The following CNTNAP2 variants were observed in gnomAD, a reference collection of about 807,000 sequenced individuals.
CNTNAP2 encodes contactin-associated protein-like 2.
A neutral mutation model predicts 155.2 loss-of-function variants in CNTNAP2; 98 were observed. That is an observed-to-expected ratio of 0.63 (90% confidence interval 0.54 to 0.75). The LOEUF (loss-of-function observed/expected upper bound fraction) is 0.75, where lower values mean the gene tolerates loss of function less well. Ranked by LOEUF, CNTNAP2 falls within the 30% of genes least tolerant of loss-of-function variation. The pLI is 0.00. For missense variants in CNTNAP2, 1,727 were observed against 1,688.1 expected, an observed-to-expected ratio of 1.02 and a Z score of -0.40; for synonymous variants, 651 against 631.2, an observed-to-expected ratio of 1.03 and a Z score of -0.47.
chr7:147,129,927 AAAT>A (rs2129284651), intron 7 of CNTNAP2, among the ~76,000 whole-genome samples: 1 of 152,334 alleles, frequency 6.6e-6, no homozygotes, highest in South Asian at 2.1e-4. Flanking sequence ...GACTATGGAA[AAAT>A]AATAATAGCT....
intron 1 of CNTNAP2, among the ~76,000 whole-genome samples, chr7:146,183,563 G>A (rs1003941855): frequency 4.6e-5 from 7 of 151,604 alleles, no homozygotes; most frequent in Admixed American, 2.0e-4. Flanking sequence ...CAGTGCTGCC[G>A]CAGATCTGCT....
intron 1 of CNTNAP2, among the ~76,000 whole-genome samples, chr7:146,228,308 C>A (rs1283160841): frequency 7.9e-5 from 12 of 152,164 alleles, no homozygotes; most frequent in Non-Finnish European, 1.8e-4. Context: ...TCACTAGTTG[C>A]CTAAATGAAA....
intron 1 of CNTNAP2, among the ~76,000 whole-genome samples, chr7:146,712,811 CTCAAT>C (rs1400112324): frequency 6.6e-6 from 1 of 151,912 alleles, no homozygotes; most frequent in Non-Finnish European, 1.5e-5. Flanking sequence ...CTTTCTGTTA[CTCAAT>C]TCAAAAGTAT....
At chr7:147,916,490 A>G (rs1380163645) in intron 14 of CNTNAP2, among the ~76,000 whole-genome samples, 1 of 152,150 alleles carries the variant, frequency 6.6e-6, no homozygotes, top group Non-Finnish European at 1.5e-5. Flanking sequence ...TACTAGAAAT[A>G]GATATAGCCT....
chr7:146,883,149 T>C (rs774086237), intron 3 of CNTNAP2, among the ~76,000 whole-genome samples: 1 of 152,216 alleles, frequency 6.6e-6, no homozygotes, highest in Non-Finnish European at 1.5e-5. Flanking sequence ...AAATAACTAA[T>C]GGACTTGAAT....
chr7:148,083,550 C>G (rs1224237331), intron 15 of CNTNAP2, among the ~76,000 whole-genome samples: 1 of 152,178 alleles, frequency 6.6e-6, no homozygotes, highest in African/African-American at 2.4e-5. Flanking sequence ...GTTTTACTCC[C>G]TGAAGAGACT....
chr7:148,349,073 C>A (rs1281885468), intron 21 of CNTNAP2, among the ~76,000 whole-genome samples: 1 of 152,108 alleles, frequency 6.6e-6, no homozygotes, highest in South Asian at 2.1e-4. Flanking sequence ...GAAGCCCCTG[C>A]TTTTATGGAG....
chr7:148,060,038 T>A (rs1172385931), intron 15 of CNTNAP2, among the ~76,000 whole-genome samples: 1 of 151,930 alleles, frequency 6.6e-6, no homozygotes, highest in South Asian at 2.1e-4. Flanking sequence ...ATTTGCAGAG[T>A]TTTTGAACTT....
intron 1 of CNTNAP2, among the ~76,000 whole-genome samples, chr7:146,364,155 A>AT (rs1412878107): frequency 2.0e-5 from 3 of 152,200 alleles, no homozygotes; most frequent in African/African-American, 7.2e-5. Flanking sequence ...AATCATTATT[A>AT]TTTTTTAAAT....
At chr7:147,873,129 G>A (rs900318209) in intron 13 of CNTNAP2, among the ~76,000 whole-genome samples, 2 of 152,102 alleles carry the variant, frequency 1.3e-5, no homozygotes, top group African/African-American at 4.8e-5. Context: ...AGGAATCCAC[G>A]CTCCAGCTTG....
chr7:147,749,034 T>C (rs1563075691), intron 13 of CNTNAP2, among the ~76,000 whole-genome samples: 1 of 152,166 alleles, frequency 6.6e-6, no homozygotes, highest in Non-Finnish European at 1.5e-5. Context: ...TGGACAAAGA[T>C]GAAATATGAA....
rs558572778 is a variant in CNTNAP2, at chr7:146,730,513, C to A, written c.98-43758C>A. On this transcript the variant is annotated intron_variant, in intron 1 of 23. Coordinates refer to ENST00000361727, the MANE Select transcript of CNTNAP2 (RefSeq NM_014141.6). ...ATAGGCTTGTAATTATACAGTATGC[C>A]CTAAAGTGTTGAATTACATAATCTC... Among the ~76,000 whole-genome samples, 14 of 152,060 alleles carry A rather than the reference C, an allele frequency of 9.2e-5. No individual in the cohort carries two copies. The South Asian group carries it at 2.9e-3, about 32-fold the overall frequency.
At chr7:146,982,045 A>G (rs1243404911) in intron 3 of CNTNAP2, among the ~76,000 whole-genome samples, 3 of 152,222 alleles carry the variant, frequency 2.0e-5, no homozygotes, top group Non-Finnish European at 4.4e-5. Context: ...TGAATTTCAT[A>G]CAATTTTCCT....
intron 13 of CNTNAP2, among the ~76,000 whole-genome samples, chr7:147,896,608 G>A (rs1799781540): frequency 6.6e-6 from 1 of 152,082 alleles, no homozygotes; most frequent in East Asian, 1.9e-4. Context: ...GTTCCTGGAT[G>A]GGAGGCACCA....
At chr7:147,969,818 G>T (rs1464033603) in intron 14 of CNTNAP2, among the ~76,000 whole-genome samples, 59 of 151,788 alleles carry the variant, frequency 3.9e-4, no homozygotes, top group Non-Finnish European at 7.4e-5. Flanking sequence ...ATAGTTTTTG[G>T]TATTAACCAT....
chr7:148,138,597 A>G (rs1209360481), intron 16 of CNTNAP2, among the ~76,000 whole-genome samples: 5 of 152,130 alleles, frequency 3.3e-5, no homozygotes, highest in African/African-American at 9.7e-5. Context: ...CCCCTCCTCA[A>G]TCTGCTCTCC....
intron 15 of CNTNAP2, among the ~76,000 whole-genome samples, chr7:148,012,874 G>A (rs1018424335): frequency 2.0e-5 from 3 of 152,172 alleles, no homozygotes; most frequent in African/African-American, 7.2e-5. Flanking sequence ...GCTATGTAGA[G>A]TATATCTGTA....
chr7:147,479,170 T>G (rs1798376146), intron 10 of CNTNAP2, among the ~76,000 whole-genome samples: 1 of 152,210 alleles, frequency 6.6e-6, no homozygotes, highest in South Asian at 2.1e-4. Flanking sequence ...AGAAGGGGAT[T>G]CCTCCTCCTT....
chr7:146,889,594 T>G (rs1396657763), intron 3 of CNTNAP2, among the ~76,000 whole-genome samples: 1 of 152,154 alleles, frequency 6.6e-6, no homozygotes, highest in African/African-American at 2.4e-5. Flanking sequence ...TTAAATAAAA[T>G]GTACATTTCC....
Sources: allele counts gnomAD v4.1 joint callset (sites outside exome capture counted in the v4.1 genomes callset), GRCh38; gene constraint gnomAD v4.1.1; transcripts MANE v1.5; gene names NCBI Gene and HGNC (gene_info 2026-07-23, HGNC 2026-07-21).